The following NUDCD3 variants were observed in gnomAD, a reference collection of about 807,000 sequenced individuals.
NUDCD3 encodes the protein NudC domain containing 3.
NUDCD3 carries 13 observed loss-of-function variants against 39.7 expected under a neutral mutation model. The observed-to-expected ratio is 0.33, with a 90% confidence interval of 0.21 to 0.52. The LOEUF (loss-of-function observed/expected upper bound fraction) is 0.52. Among genes scored for constraint, NUDCD3 ranks in the 20% least tolerant of loss-of-function variants. The pLI is 0.96. For synonymous variants in NUDCD3, 175 were observed against 172.4 expected (o/e 1.02, Z -0.12); for missense variants, 453 against 458.1 (o/e 0.99, Z 0.10).
intron 3 of NUDCD3, among the ~76,000 whole-genome samples, chr7:44,404,854 ATCT>A (rs1312096706): frequency 2.0e-5 from 3 of 152,170 alleles, no homozygotes; most frequent in Admixed American, 6.5e-5. Context: ...CTGTGACCCA[ATCT>A]TCTTCTCCCT....
At chr7:44,470,797 TTTTA>T (rs1253604158) in intron 2 of NUDCD3, among the ~76,000 whole-genome samples, 1 of 152,256 alleles carries the variant, frequency 6.6e-6, no homozygotes, top group East Asian at 1.9e-4. Context: ...TTTTAACTAT[TTTTA>T]TTTATCTTTA....
At chr7:44,433,619 T>G (rs1376995274) in intron 2 of NUDCD3, among the ~76,000 whole-genome samples, 2 of 152,192 alleles carry the variant, frequency 1.3e-5, no homozygotes, top group Non-Finnish European at 2.9e-5. Flanking sequence ...GTGTGTGATG[T>G]ACGTGCCATG....
intron 5 of NUDCD3, among the ~76,000 whole-genome samples, chr7:44,389,892 C>G (rs1563162611): frequency 6.6e-6 from 1 of 152,102 alleles, no homozygotes; most frequent in Admixed American, 6.5e-5. Flanking sequence ...TGGTGGAGCC[C>G]CTGACACCTC....
chr7:44,386,315 C>G (rs1224301435), intron 5 of NUDCD3, among the ~76,000 whole-genome samples, 194 bp from the exon 6 acceptor site: 1 of 152,202 alleles, frequency 6.6e-6, no homozygotes, highest in Non-Finnish European at 1.5e-5. Context: ...GGGTGCCTGC[C>G]AATTTCTCTC....
chr7:44,449,968 A>C (rs1799763602), intron 2 of NUDCD3, among the ~76,000 whole-genome samples: 1 of 152,146 alleles, frequency 6.6e-6, no homozygotes, highest in Non-Finnish European at 1.5e-5. Flanking sequence ...AAATATTTGC[A>C]AATTATATAT....
chr7:44,410,859 C>T (rs1227724839), intron 3 of NUDCD3, among the ~76,000 whole-genome samples: 3 of 149,160 alleles, frequency 2.0e-5, no homozygotes, highest in Admixed American at 6.7e-5. Flanking sequence ...TCCAGCTACT[C>T]GGGAGGCTGA....
intron 3 of NUDCD3, among the ~76,000 whole-genome samples, chr7:44,416,415 T>C (rs969083475): frequency 9.2e-5 from 14 of 151,472 alleles, no homozygotes; most frequent in African/African-American, 3.2e-4. Context: ...GGTCTGCAGT[T>C]AGGAAGTCGG....
At chr7:44,485,607 C>T (rs1800593940) in intron 1 of NUDCD3, 2 of 226,720 alleles carry the variant, frequency 8.8e-6, no homozygotes, top group Admixed American at 5.0e-5. Flanking sequence ...GCAAAGAATA[C>T]ACGGTCCTGG....
chr7:44,432,783 C>T (rs1228121180), intron 2 of NUDCD3, among the ~76,000 whole-genome samples: 7 of 152,214 alleles, frequency 4.6e-5, no homozygotes. Context: ...ATCCCTGTCA[C>T]CCTCATCTCC....
chr7:44,458,936 C>CTCTGTGTGTG (rs1554493956), intron 2 of NUDCD3, among the ~76,000 whole-genome samples: 1 of 116,062 alleles, frequency 8.6e-6, no homozygotes, highest in African/African-American at 3.3e-5. Flanking sequence ...ACGGGGAGTG[C>CTCTGTGTGTG]TGTGTGTGTG....
At chr7:44,404,335 T>A in intron 4 of NUDCD3, 105 bp downstream of exon 4, 1 of 1,205,362 alleles carries the variant, frequency 8.3e-7, no homozygotes, top group Admixed American at 2.1e-5. Flanking sequence ...CAGCTGAAAT[T>A]AACAACCTCA....
chr7:44,451,926 T>C (rs1174912250), intron 2 of NUDCD3, among the ~76,000 whole-genome samples: 1 of 152,032 alleles, frequency 6.6e-6, no homozygotes, highest in African/African-American at 2.4e-5. Flanking sequence ...GGGAATGATC[T>C]CATGAATAAA....
chr7:44,408,073 C>A (rs978611786), intron 3 of NUDCD3, among the ~76,000 whole-genome samples: 4 of 152,002 alleles, frequency 2.6e-5, no homozygotes, highest in East Asian at 1.9e-4. Context: ...AGCTTACTCA[C>A]AAAGAGATGG....
At chr7:44,457,322 G>C (rs1799924227) in intron 2 of NUDCD3, among the ~76,000 whole-genome samples, 1 of 152,128 alleles carries the variant, frequency 6.6e-6, no homozygotes, top group Non-Finnish European at 1.5e-5. Context: ...TTCTAGCCAG[G>C]GGAGTTAAGC....
At position 44,427,699 on chromosome 7, in the gene NUDCD3, G is replaced by T; in HGVS notation, c.514C>A (p.Gln172Lys). ...PREPPILPRIQEQFQKNPDSY... is the reference protein window; with the variant it reads ...PREPPILPRIKEQFQKNPDSY... The stretch of plus-strand genomic sequence containing the variant: ...TCGGGATTTTTCTGGAACTGCTCCT[G>T]AATCCTGAGAAAGAATAAAAAATGT... Residue 172 changes from glutamine (Q) to lysine (K), a missense_variant, in exon 3 of 6, where the codon CAG becomes AAG. Physicochemically the swap from Gln to Lys is moderately conservative, Grantham distance 53. Transcript: ENST00000355451. 6.2e-7 allele frequency: 1 copy of T among 1,613,808 alleles called. No homozygotes were observed.
rs1798341306 is a variant in NUDCD3 at position 44,383,331 on chromosome 7, T to C, written c.*2680A>G. ...CTAAGCTTTCCAGTAACTACAGAAT[T>C]CCAGAACCTGTTTGAAAGGATGTAA... On this transcript the variant is annotated 3_prime_UTR_variant, in exon 6 of 6. Transcript: ENST00000355451. 1 of 152,258 alleles carries C rather than the reference T, an allele frequency of 6.6e-6. No individual in the cohort carries two copies. The highest frequency in any genetic ancestry group is 1.5e-5 in the Non-Finnish European group (1 of 68,042). The allele number at this position is 152,258 out of a possible 1,614,324, so 9.4% of individuals were successfully genotyped here.
At chr7:44,402,816 T>C (rs2116872621) in intron 4 of NUDCD3, 1 of 402,012 alleles carries the variant, frequency 2.5e-6, no homozygotes, top group Admixed American at 2.6e-5. Context: ...CTCACTAGTG[T>C]AATACAGGCG....
chr7:44,434,744 G>A (rs1799434365), intron 2 of NUDCD3, among the ~76,000 whole-genome samples: 1 of 152,168 alleles, frequency 6.6e-6, no homozygotes, highest in African/African-American at 2.4e-5. Flanking sequence ...AATGCTCTGT[G>A]TGTCCGTGGT....
At chr7:44,400,144 T>C (rs1798695002) in intron 4 of NUDCD3, among the ~76,000 whole-genome samples, 1 of 152,176 alleles carries the variant, frequency 6.6e-6, no homozygotes, top group Admixed American at 6.5e-5. Context: ...TGCCTAGCTT[T>C]GGGGACTGAA....
Sources: allele counts gnomAD v4.1 joint callset (sites outside exome capture counted in the v4.1 genomes callset), GRCh38; gene constraint gnomAD v4.1.1; transcripts MANE v1.5; gene names NCBI Gene and HGNC (gene_info 2026-07-23, HGNC 2026-07-21).